Variants in MTUS2 observed in about 807,000 individuals in gnomAD.
MTUS2 encodes microtubule associated scaffold protein 2, also known as microtubule-associated tumor suppressor candidate 2.
In MTUS2, 40 loss-of-function variants were observed where a neutral mutation model predicts 114.1. That is an observed-to-expected ratio of 0.35 (90% CI 0.27 to 0.46). The LOEUF is 0.46. Among genes scored for constraint, MTUS2 ranks in the 20% least tolerant of loss-of-function variants. The probability of loss-of-function intolerance (pLI) is 1.00; values close to 1 mark genes in which losing one functional copy is unlikely to be tolerated. For missense variants in MTUS2, 1,679 were observed against 1,705.4 expected (o/e 0.98, Z 0.27); for synonymous variants, 688 against 672.0 (o/e 1.02, Z -0.37).
intron 5 of MTUS2, among the ~76,000 whole-genome samples, chr13:29,153,238 G>A (rs1346658097): frequency 6.6e-6 from 1 of 152,130 alleles, no homozygotes; most frequent in African/African-American, 2.4e-5. Context: ...AGACAGTGCA[G>A]GTCCTGTTAA....
chr13:29,499,892 G>T (rs1882776858), intron 14 of MTUS2, among the ~76,000 whole-genome samples: 1 of 152,232 alleles, frequency 6.6e-6, no homozygotes, highest in African/African-American at 2.4e-5. Flanking sequence ...TTGTCGCCAA[G>T]ATTCTGGGCG....
intron 5 of MTUS2, among the ~76,000 whole-genome samples, chr13:29,130,808 T>C (rs1891729704): frequency 6.6e-6 from 1 of 152,042 alleles, no homozygotes; most frequent in South Asian, 2.1e-4. Context: ...GTATTTTTAG[T>C]AGAGACGGGG....
intron 2 of MTUS2, among the ~76,000 whole-genome samples, chr13:28,917,528 C>G (rs545990333): frequency 6.6e-6 from 1 of 150,392 alleles, no homozygotes; most frequent in South Asian, 2.1e-4. Flanking sequence ...ATAGTAGCCA[C>G]TAATGATTCT....
chr13:29,374,477 A>G (rs1457259900), intron 8 of MTUS2, among the ~76,000 whole-genome samples: 1 of 152,266 alleles, frequency 6.6e-6, no homozygotes, highest in Non-Finnish European at 1.5e-5. Flanking sequence ...TCGGGGAACA[A>G]CAATTCAAAT....
chr13:29,190,342 A>G (rs894661848), intron 5 of MTUS2, among the ~76,000 whole-genome samples: 2 of 152,328 alleles, frequency 1.3e-5, no homozygotes, highest in East Asian at 3.9e-4. Flanking sequence ...CACTGTTTTA[A>G]CCCTCTGATT....
intron 2 of MTUS2, among the ~76,000 whole-genome samples, chr13:28,959,818 A>G (rs144217411): frequency 0.015 from 2,298 of 152,318 alleles, 32 homozygotes; most frequent in Non-Finnish European, 0.024. Flanking sequence ...ACATTTCAAC[A>G]TGGGATTTGG....
At chr13:29,056,823 G>A (rs533721350) in intron 4 of MTUS2, among the ~76,000 whole-genome samples, 32 of 151,864 alleles carry the variant, frequency 2.1e-4, no homozygotes, top group South Asian at 4.2e-4. Context: ...AGTTCACCTC[G>A]GATTTTGGTT....
rs1409801634 is a variant in MTUS2 at position 29,203,202 on chromosome 13, G to T, written c.2645-78502G>T. Among the ~76,000 whole-genome samples the T allele has an allele frequency of 3.9e-5, 6 of 152,212 alleles. No individual in the cohort carries two copies. The East Asian group carries it at 9.6e-4, about 24-fold the overall frequency. On this transcript the variant is annotated intron_variant, in intron 5 of 15. Coordinates refer to ENST00000612955, the MANE Select transcript of MTUS2 (RefSeq NM_001033602.4). The stretch of plus-strand genomic sequence containing the variant: ...TGGCTGCTGCCTTTCTTTCAGAGAT[G>T]CCCTGCCCAGAGAGGAGGAATCTAG...
intron 5 of MTUS2, among the ~76,000 whole-genome samples, chr13:29,177,975 C>T (rs923137072): frequency 6.6e-6 from 1 of 152,120 alleles, no homozygotes; most frequent in East Asian, 1.9e-4. Flanking sequence ...AATGTGATGA[C>T]CATGGCTTTT....
chr13:28,840,751 T>C (rs1167285105), intron 2 of MTUS2, among the ~76,000 whole-genome samples: 1 of 152,164 alleles, frequency 6.6e-6, no homozygotes, highest in East Asian at 1.9e-4. Context: ...ACACTTTTTG[T>C]TAAGGTCTGG....
At chr13:29,502,640 C>T (rs1593526550) in intron 15 of MTUS2, among the ~76,000 whole-genome samples, 1 of 152,376 alleles carries the variant, frequency 6.6e-6, no homozygotes, top group South Asian at 2.1e-4. Flanking sequence ...TTGCCAGCTG[C>T]GCGGCTGTCT....
intron 5 of MTUS2, among the ~76,000 whole-genome samples, chr13:29,203,960 C>CT (rs35269061): frequency 0.085 from 12,390 of 145,138 alleles, 673 homozygotes; most frequent in African/African-American, 0.15. Context: ...GAAGCTGTTA[C>CT]TTTTTTTTTT....
At chr13:29,148,289 G>A (rs564532462) in intron 5 of MTUS2, among the ~76,000 whole-genome samples, 6 of 151,380 alleles carry the variant, frequency 4.0e-5, no homozygotes, top group South Asian at 2.1e-4. Flanking sequence ...AAATGTGTGC[G>A]ATGCTGGTTT....
intron 7 of MTUS2, among the ~76,000 whole-genome samples, chr13:29,330,747 A>T (rs1386805088): frequency 6.6e-6 from 1 of 152,054 alleles, no homozygotes; most frequent in Non-Finnish European, 1.5e-5. Flanking sequence ...ATGGTTGTAG[A>T]TGTGTGGCAT....
At chr13:29,499,714 C>G (rs1215578991) in intron 14 of MTUS2, among the ~76,000 whole-genome samples, 2 of 152,240 alleles carry the variant, frequency 1.3e-5, no homozygotes, top group Admixed American at 6.5e-5. Flanking sequence ...ATCGAAATTC[C>G]CCATTTGTGA....
At chr13:28,909,906 G>T (rs1593292483) in intron 2 of MTUS2, among the ~76,000 whole-genome samples, 1 of 152,170 alleles carries the variant, frequency 6.6e-6, no homozygotes, top group African/African-American at 2.4e-5. Context: ...TTTAATTTTT[G>T]TGGGTGCATA....
chr13:29,401,677 T>G (rs950834315), intron 8 of MTUS2, among the ~76,000 whole-genome samples: 1 of 152,240 alleles, frequency 6.6e-6, no homozygotes, highest in African/African-American at 2.4e-5. Context: ...CGGTTCTGTT[T>G]CTGGCTCTTT....
chr13:29,147,266 C>T (rs1892476427), intron 5 of MTUS2, among the ~76,000 whole-genome samples: 1 of 152,130 alleles, frequency 6.6e-6, no homozygotes, highest in Non-Finnish European at 1.5e-5. Flanking sequence ...AAAACTTCTA[C>T]AGTTGATACA....
intron 4 of MTUS2, among the ~76,000 whole-genome samples, chr13:29,056,634 T>C (rs560818403): frequency 1.3e-5 from 2 of 152,250 alleles, no homozygotes; most frequent in East Asian, 3.9e-4. Flanking sequence ...GGGTTTTGTA[T>C]TTCTGTGGGG....
Sources: allele counts gnomAD v4.1 joint callset (sites outside exome capture counted in the v4.1 genomes callset), GRCh38; gene constraint gnomAD v4.1.1; transcripts MANE v1.5; gene names NCBI Gene and HGNC (gene_info 2026-07-23, HGNC 2026-07-21).